TDP1: variants seen among roughly 807,000 people sequenced by gnomAD.
TDP1 encodes the protein tyrosyl-DNA phosphodiesterase 1.
Under a neutral mutation model 81.5 loss-of-function variants are expected in TDP1, and 64 were observed. The observed-to-expected ratio is 0.79, with a 90% confidence interval of 0.64 to 0.97. The LOEUF (loss-of-function observed/expected upper bound fraction) is 0.97, where lower values mean the gene tolerates loss of function less well. Among genes scored for constraint, TDP1 ranks in the 50% least tolerant of loss-of-function variants. The probability of loss-of-function intolerance (pLI) is 0.00; values close to 1 mark genes in which losing one functional copy is unlikely to be tolerated. For missense variants in TDP1, 723 were observed against 743.8 expected (o/e 0.97, Z 0.33); for synonymous variants, 256 against 264.3 (o/e 0.97, Z 0.30).
At chr14:89,975,624 T>A in intron 6 of TDP1, 157 bp from the exon 7 acceptor site, 1 of 473,882 alleles carries the variant, frequency 2.1e-6, no homozygotes. Context: ...CAGATGCTAT[T>A]ATAAAAGCTG....
chr14:90,034,947 C>A (rs941096468), intron 16 of TDP1, among the ~76,000 whole-genome samples: 1 of 152,214 alleles, frequency 6.6e-6, no homozygotes, highest in South Asian at 2.1e-4. Flanking sequence ...GTCGCACTAA[C>A]CTTCCCAGCT....
intron 15 of TDP1, among the ~76,000 whole-genome samples, chr14:90,030,786 G>A (rs1203257661): frequency 6.7e-6 from 1 of 148,752 alleles, no homozygotes; most frequent in Admixed American, 6.6e-5. Context: ...TTTTTTTTGA[G>A]ATGGAGTTTC....
chr14:89,963,713 C>G, intron 3 of TDP1, 40 bp downstream of exon 3: 1 of 1,609,122 alleles, frequency 6.2e-7, no homozygotes, highest in Non-Finnish European at 8.5e-7. Flanking sequence ...TTGAATTGCC[C>G]TTGAGAGTCT....
Position 89,971,161 on chromosome 14 carries a change from T to C in TDP1, c.660-14T>C, listed in dbSNP as rs1412671201. On this transcript the variant is annotated splice_polypyrimidine_tract_variant and intron_variant, in intron 5 of 16. Coordinates refer to ENST00000335725, the MANE Select transcript of TDP1 (RefSeq NM_018319.4). ...ATGAATGATGTATATTAAATACTAATGCTCTCTTTTTAGGAAGAAGCCAAT... is the reference window on the plus strand; with the variant it reads ...ATGAATGATGTATATTAAATACTAACGCTCTCTTTTTAGGAAGAAGCCAAT... 2.5e-6 allele frequency: 4 copies of C among 1,608,578 alleles called. 1 individual carries two copies. Among genetic ancestry groups the C allele is most frequent in the Non-Finnish European group, 2.6e-6 (3 of 1,175,250 alleles).
intron 15 of TDP1, among the ~76,000 whole-genome samples, chr14:90,022,020 A>G (rs1170869694): frequency 6.6e-6 from 1 of 152,136 alleles, no homozygotes; most frequent in Admixed American, 6.5e-5. Context: ...ATCACAAATG[A>G]CTTGGGCAGA....
intron 16 of TDP1, among the ~76,000 whole-genome samples, chr14:90,035,106 C>T (rs1319949461): frequency 1.3e-5 from 2 of 152,206 alleles, no homozygotes; most frequent in African/African-American, 4.8e-5. Flanking sequence ...TCATGGTGAA[C>T]CAAGCCTCCT....
At position 89,975,808 on chromosome 14, in the gene TDP1, C is replaced by A; in HGVS notation, c.784C>A (p.His262Asn). The change falls in exon 7 of 17, where the codon CAC (histidine) becomes AAC (asparagine). Residue 262 changes from histidine (H) to asparagine (N), a missense_variant. Physicochemically the swap from His to Asn is moderately conservative, Grantham distance 68. Coordinates refer to ENST00000335725, the MANE Select transcript of TDP1 (RefSeq NM_018319.4). Reference sequence around the variant, plus strand: ...AAAGTTGGATATTGCGTTTGGAACACACCACACGTAAGCACTTTTTGTGAA... The same window carrying A: ...AAAGTTGGATATTGCGTTTGGAACAAACCACACGTAAGCACTTTTTGTGAA... Reference protein sequence around the residue: ...QAKLDIAFGTHHTKMMLLLYE... With the variant: ...QAKLDIAFGTNHTKMMLLLYE... 1 of 1,612,838 alleles carries A rather than the reference C, an allele frequency of 6.2e-7. No homozygotes were observed. The highest frequency in any genetic ancestry group is 8.5e-7 in the Non-Finnish European group (1 of 1,178,872).
rs1315297435 is a variant in TDP1 at position 89,984,507 on chromosome 14, T to G, written c.885-9T>G. 1 of 1,614,086 alleles carries G rather than the reference T, an allele frequency of 6.2e-7. No homozygotes were observed. The highest frequency in any genetic ancestry group is 1.1e-5 in the South Asian group (1 of 91,088). ...GCCTGACTGTTAAAGGTTATTTTTT[T>G]AATTCCAGAATATGGTTGAGCCCCT... On this transcript the variant is annotated splice_polypyrimidine_tract_variant and intron_variant, in intron 8 of 16. Transcript: ENST00000335725.
At chr14:90,023,089 A>G (rs1174165273) in intron 15 of TDP1, 2 of 762,064 alleles carry the variant, frequency 2.6e-6, no homozygotes, top group African/African-American at 1.7e-5. Context: ...TAACGCATGG[A>G]TAAGCTGAGG....
intron 15 of TDP1, among the ~76,000 whole-genome samples, chr14:90,027,290 CCCTT>C (rs1886777810): frequency 6.6e-6 from 1 of 152,044 alleles, no homozygotes; most frequent in African/African-American, 2.4e-5. Flanking sequence ...GATGAACTGA[CCCTT>C]CCCTCCCTGT....
chr14:89,975,745 G>C (rs1446269173), intron 6 of TDP1, 36 bp from the exon 7 acceptor site: 1 of 1,577,370 alleles, frequency 6.3e-7, no homozygotes, highest in South Asian at 1.1e-5. Flanking sequence ...ATATTAGTGA[G>C]TTGTTTTTAA....
chr14:89,970,806 C>T (rs2140003619), intron 5 of TDP1: 1 of 926,072 alleles, frequency 1.1e-6, no homozygotes, highest in African/African-American at 1.8e-5. Flanking sequence ...GCGAGTCCAG[C>T]TTCATGAATG....
At chr14:89,956,495 C>T (rs2139878364) in intron 1 of TDP1, 83 bp from the exon 2 acceptor site, 1 of 152,556 alleles carries the variant, frequency 6.6e-6, no homozygotes, top group Non-Finnish European at 1.5e-5. Context: ...GCCGTCACTT[C>T]CTCACGTTCT....
At chr14:90,004,052 A>G (rs1897419158) in intron 14 of TDP1, among the ~76,000 whole-genome samples, 1 of 152,152 alleles carries the variant, frequency 6.6e-6, no homozygotes, top group African/African-American at 2.4e-5. Context: ...GGTATGCTTC[A>G]TGTGCTTTGT....
intron 5 of TDP1, 148 bp from the exon 6 acceptor site, chr14:89,971,027 G>T: frequency 3.0e-6 from 2 of 661,142 alleles, no homozygotes; most frequent in African/African-American, 1.8e-5. Flanking sequence ...GTAGAGACGG[G>T]GTTTCACCAT....
intron 1 of TDP1, 46 bp downstream of exon 1, chr14:89,956,016 C>G (rs1470821996): frequency 1.3e-5 from 2 of 152,784 alleles, no homozygotes; most frequent in East Asian, 3.8e-4. Context: ...CGGTCTCTCG[C>G]GGGCTGCGGT....
At chr14:89,969,396 A>G (rs959372649) in intron 5 of TDP1, among the ~76,000 whole-genome samples, 2 of 152,240 alleles carry the variant, frequency 1.3e-5, no homozygotes, top group African/African-American at 2.4e-5. Flanking sequence ...GTATGTAGAA[A>G]AATTCAGATC....
chr14:90,033,329 C>G (rs1032964084), intron 16 of TDP1, 115 bp downstream of exon 16: 4 of 737,946 alleles, frequency 5.4e-6, no homozygotes, highest in South Asian at 4.4e-5. Context: ...TCTGGAAGCT[C>G]AAGTTTGCAG....
chr14:89,966,248 A>G, intron 4 of TDP1, 58 bp downstream of exon 4: 1 of 1,111,072 alleles, frequency 9.0e-7, no homozygotes, highest in Non-Finnish European at 1.4e-6. Context: ...TAATTAAACA[A>G]CTCCATAAGA....
Sources: gnomAD v4.1 joint callset for allele counts (sites outside exome capture counted in the v4.1 genomes callset) on GRCh38, gnomAD v4.1.1 for gene constraint, MANE v1.5 for transcripts, NCBI Gene and HGNC (gene_info 2026-07-23, HGNC 2026-07-21) for gene names.